ADPRHL1: variants seen among roughly 807,000 people sequenced by gnomAD.
ADPRHL1 encodes the protein inactive ADP-ribosyltransferase ARH2.
In ADPRHL1, 43 loss-of-function variants were observed where a neutral mutation model predicts 44.1. The ratio of observed to expected loss-of-function variants is 0.98; its 90% CI spans 0.76 to 1.26. The LOEUF (loss-of-function observed/expected upper bound fraction) is 1.26, where lower values mean the gene tolerates loss of function less well. Ranked by LOEUF, ADPRHL1 falls within the 50% of genes most tolerant of loss-of-function variation. The pLI is 0.00. For missense variants in ADPRHL1, 2,022 were observed against 2,496.9 expected (o/e 0.81, Z 4.05); for synonymous variants, 878 against 1,017.4 (o/e 0.86, Z 2.61).
chr13:113,433,914 C>T (rs376764084), intron 2 of ADPRHL1, 47 bp from the exon 3 acceptor site: 230 of 1,486,630 alleles, frequency 1.5e-4, no homozygotes, highest in Middle Eastern at 3.5e-4. Context: ...TCCAATAATT[C>T]CACCCCTGAC....
At chr13:113,424,685 T>C (rs72666947) in intron 5 of ADPRHL1, among the ~76,000 whole-genome samples, 359 of 23,546 alleles carry the variant, frequency 0.015, no homozygotes, top group East Asian at 0.02. Flanking sequence ...TCCATTCATC[T>C]ATCCACCCAT....
chr13:113,426,399 C>T (rs1007130294), intron 4 of ADPRHL1, among the ~76,000 whole-genome samples: 7 of 152,248 alleles, frequency 4.6e-5, no homozygotes, highest in South Asian at 2.1e-4. Flanking sequence ...CCAAGGGACA[C>T]GTGTGCCGAT....
Position 113,404,782 on chromosome 13 carries a change from A to C in ADPRHL1, c.4500T>G (p.Val1500=), listed in dbSNP as rs2043794268. 1 of 1,260,318 alleles carries C rather than the reference A, an allele frequency of 7.9e-7. No individual in the cohort carries two copies. The highest frequency in any genetic ancestry group is 1.6e-5 in the African/African-American group (1 of 64,506). The allele number at this position is 1,260,318 out of a possible 1,614,324, so 78.1% of individuals were successfully genotyped here. ...KQVQEWDRGQ[V]QGHAQEQAQW... ...GGGCCTGTTCTTGAGCGTGTCCCTGAACCTGTCCCCGGTCCCATTCCTGAA... is the reference window on the plus strand; with the variant it reads ...GGGCCTGTTCTTGAGCGTGTCCCTGCACCTGTCCCCGGTCCCATTCCTGAA... The change falls in exon 8 of 8, where the codon GTT becomes GTG. Residue 1500 remains valine, a synonymous_variant. Coordinates refer to ENST00000612156, the MANE Select transcript of ADPRHL1 (RefSeq NM_001394807.1).
intron 7 of ADPRHL1, among the ~76,000 whole-genome samples, chr13:113,412,166 T>C (rs1343630160): frequency 6.6e-6 from 1 of 152,184 alleles, no homozygotes; most frequent in Admixed American, 6.5e-5. Flanking sequence ...GGGTGACTAC[T>C]GTCACAGCAC....
In ADPRHL1 at chr13:113,403,681, G is replaced by C; in HGVS notation, c.5601C>G (p.Arg1867=). The C allele has an allele frequency of 8.1e-7, 1 of 1,231,964 alleles. No individual in the cohort carries two copies. The highest frequency in any genetic ancestry group is 3.2e-5 in the East Asian group (1 of 31,690). 76.3% of individuals were successfully genotyped at this position (1,231,964 alleles called of 1,614,324 possible). The change falls in exon 8 of 8, where the codon CGC becomes CGG. Residue 1867 remains arginine, a synonymous_variant. Coordinates refer to ENST00000612156, the MANE Select transcript of ADPRHL1 (RefSeq NM_001394807.1). ...PSAGYPPPGS[R]PLRGKSIATS... is the part of the protein sequence containing the mutation. The stretch of plus-strand genomic sequence containing the variant: ...TGGCAATGCTCTTGCCCCTGAGGGG[G>C]CGGCTTCCTGGGGGTGGGTACCCGG...
At chr13:113,439,567 C>T (rs1228437235) in intron 2 of ADPRHL1, among the ~76,000 whole-genome samples, 1 of 152,098 alleles carries the variant, frequency 6.6e-6, no homozygotes, top group Non-Finnish European at 1.5e-5. Flanking sequence ...CCTGCTTCGG[C>T]CTCCTGAGTA....
chr13:113,439,423 T>C (rs1243768634), intron 2 of ADPRHL1, among the ~76,000 whole-genome samples: 1 of 149,726 alleles, frequency 6.7e-6, no homozygotes, highest in Non-Finnish European at 1.5e-5. Context: ...GTGCCCAGCC[T>C]GGGCCTACAG....
chr13:113,434,471 C>G (rs1238323233), intron 2 of ADPRHL1, among the ~76,000 whole-genome samples: 1 of 149,032 alleles, frequency 6.7e-6, no homozygotes, highest in East Asian at 2.0e-4. Context: ...TGTGACCCAG[C>G]ACCCACACGT....
At chr13:113,414,728 T>A (rs2043878746) in intron 7 of ADPRHL1, among the ~76,000 whole-genome samples, 2 of 150,806 alleles carry the variant, frequency 1.3e-5, no homozygotes, top group Admixed American at 1.3e-4. Context: ...CAGGCTGGAG[T>A]GCAATGGCGT....
chr13:113,410,153 G>A (rs1401413091), intron 7 of ADPRHL1: 2 of 984,402 alleles, frequency 2.0e-6, no homozygotes, highest in Non-Finnish European at 2.4e-6. Flanking sequence ...CCACACGGAG[G>A]AGTGGCAGGG....
At chr13:113,445,149 G>A (rs1457150379) in intron 1 of ADPRHL1, among the ~76,000 whole-genome samples, 1 of 152,254 alleles carries the variant, frequency 6.6e-6, no homozygotes, top group Non-Finnish European at 1.5e-5. Flanking sequence ...GGCCCTGAAA[G>A]ACCCTGGGGC....
intron 1 of ADPRHL1, among the ~76,000 whole-genome samples, chr13:113,450,963 C>CA (rs397953672): frequency 1.4e-5 from 2 of 147,066 alleles, no homozygotes; most frequent in African/African-American, 5.4e-5. Context: ...CCCCCCCCCC[C>CA]TTCCTGGTCT....
chr13:113,442,788 CT>C (rs2044108017), intron 2 of ADPRHL1, among the ~76,000 whole-genome samples: 1 of 152,162 alleles, frequency 6.6e-6, no homozygotes, highest in African/African-American at 2.4e-5. Flanking sequence ...ATTTATGTTG[CT>C]TTTGTTCTCC....
At chr13:113,451,100 G>A (rs540258174) in intron 1 of ADPRHL1, among the ~76,000 whole-genome samples, 9 of 152,278 alleles carry the variant, frequency 5.9e-5, no homozygotes, top group Admixed American at 2.6e-4. Context: ...GGCCCTGTCC[G>A]GGCATAACAG....
intron 2 of ADPRHL1, among the ~76,000 whole-genome samples, chr13:113,437,095 A>G (rs2044065399): frequency 6.9e-6 from 1 of 143,984 alleles, no homozygotes; most frequent in East Asian, 2.2e-4. Flanking sequence ...TAGAGTGAAC[A>G]TAGGTGTACC....
At chr13:113,413,726 C>A (rs912211810) in intron 7 of ADPRHL1, among the ~76,000 whole-genome samples, 1 of 152,226 alleles carries the variant, frequency 6.6e-6, no homozygotes, top group African/African-American at 2.4e-5. Flanking sequence ...TCTGGGCTGC[C>A]CTGTGTGACC....
intron 7 of ADPRHL1, chr13:113,422,552 G>A (rs1051550182): frequency 2.1e-5 from 10 of 469,332 alleles, no homozygotes; most frequent in African/African-American, 1.6e-4. Context: ...AGGAGACTGC[G>A]GGTGAGTGCC....
intron 2 of ADPRHL1, among the ~76,000 whole-genome samples, chr13:113,438,427 C>T (rs2044075998): frequency 6.6e-6 from 1 of 152,112 alleles, no homozygotes; most frequent in Non-Finnish European, 1.5e-5. Flanking sequence ...GGCATGGTGG[C>T]TTATGCCTGT....
chr13:113,436,025 C>A (rs74211323), intron 2 of ADPRHL1, among the ~76,000 whole-genome samples: 12,288 of 90,084 alleles, frequency 0.14, no homozygotes, highest in East Asian at 0.38. Context: ...CGGGACCCAG[C>A]ACCCAGGCAC....
Sources: allele counts gnomAD v4.1 joint callset (sites outside exome capture counted in the v4.1 genomes callset), GRCh38; gene constraint gnomAD v4.1.1; transcripts MANE v1.5; gene names NCBI Gene and HGNC (gene_info 2026-07-23, HGNC 2026-07-21).